Variants in ZNF609 observed in about 807,000 individuals in gnomAD.
ZNF609 encodes zinc finger protein 609.
ZNF609 carries 11 observed loss-of-function variants against 109.5 expected under a neutral mutation model. That is an observed-to-expected ratio of 0.10 (90% confidence interval 0.06 to 0.17). The LOEUF is 0.17. ZNF609 is among the 10% of genes least tolerant of loss of function. ZNF609 has a pLI of 1.00. For synonymous variants in ZNF609, 646 were observed against 662.0 expected (o/e 0.98, Z 0.37); for missense variants, 1,559 against 1,772.4 (o/e 0.88, Z 2.16).
chr15:64,604,490 T>A (rs1310626309), intron 2 of ZNF609, among the ~76,000 whole-genome samples: 1 of 152,234 alleles, frequency 6.6e-6, no homozygotes, highest in South Asian at 2.1e-4. Context: ...AGATTATAGA[T>A]GACTAGATGT....
chr15:64,616,514 CTTTTTTT>C (rs56145140), intron 2 of ZNF609, among the ~76,000 whole-genome samples: 1 of 66,918 alleles, frequency 1.5e-5, no homozygotes, highest in Non-Finnish European at 2.8e-5. Flanking sequence ...AAACTGATAT[CTTTTTTT>C]TTTTTTTTTT....
chr15:64,596,732 A>C (rs72742941), intron 2 of ZNF609, among the ~76,000 whole-genome samples: 9,303 of 152,232 alleles, frequency 0.061, 291 homozygotes, highest in South Asian at 0.087. Flanking sequence ...TGTGTATAGC[A>C]TAGGAGCCAT....
intron 2 of ZNF609, among the ~76,000 whole-genome samples, chr15:64,574,721 C>T (rs1190963232): frequency 1.3e-5 from 2 of 152,010 alleles, no homozygotes; most frequent in Non-Finnish European, 2.9e-5. Context: ...TTCTCTTTGC[C>T]CTGATGCCCC....
rs1567027709 is a variant in ZNF609 at position 64,607,855 on chromosome 15, CTTT to C, written c.748-14971_748-14969del. On this transcript the variant is annotated intron_variant, in intron 2 of 9. Coordinates refer to ENST00000326648, the MANE Select transcript of ZNF609 (RefSeq NM_015042.2). ...TCTTTCTTTCTTTCTTTCTTTCTTT[CTTT>C]CTTTCTTTCTTTCTTTCTTTCTTCT... Among the ~76,000 whole-genome samples, 4 of 16,416 alleles carry C rather than the reference CTTT, an allele frequency of 2.4e-4. 1 individual carries two copies. The highest frequency in any genetic ancestry group is 7.2e-4 in the Non-Finnish European group (3 of 4,148). The allele number at this position is 16,416 out of a possible 152,430, so 10.8% of individuals were successfully genotyped here.
chr15:64,678,522 G>T, intron 6 of ZNF609, 40 bp downstream of exon 6: 1 of 1,521,000 alleles, frequency 6.6e-7, no homozygotes, highest in Non-Finnish European at 8.8e-7. Context: ...TTCACTGGAA[G>T]GGGGAATGAA....
At chr15:64,537,823 G>A (rs1894180159) in intron 2 of ZNF609, among the ~76,000 whole-genome samples, 1 of 152,070 alleles carries the variant, frequency 6.6e-6, no homozygotes, top group South Asian at 2.1e-4. Flanking sequence ...AGGGCTGGGC[G>A]CGGTGGCTCT....
chr15:64,567,897 G>A (rs945066620), intron 2 of ZNF609, among the ~76,000 whole-genome samples: 2 of 151,912 alleles, frequency 1.3e-5, no homozygotes, highest in African/African-American at 4.8e-5. Flanking sequence ...TCCTGACATC[G>A]TGATCTGCCC....
At chr15:64,611,255 T>A (rs1172623022) in intron 2 of ZNF609, among the ~76,000 whole-genome samples, 1 of 152,166 alleles carries the variant, frequency 6.6e-6, no homozygotes, top group African/African-American at 2.4e-5. Context: ...TCAGAGGAAG[T>A]ACTTGGGTCT....
intron 2 of ZNF609, among the ~76,000 whole-genome samples, chr15:64,527,370 G>A (rs1893982469): frequency 2.0e-5 from 3 of 148,458 alleles, no homozygotes; most frequent in Admixed American, 6.8e-5. Context: ...GTGGGGACAT[G>A]TTACGGCCCT....
chr15:64,673,819 T>C, intron 4 of ZNF609, 97 bp from the exon 5 acceptor site: 3 of 1,312,276 alleles, frequency 2.3e-6, no homozygotes, highest in Non-Finnish European at 3.1e-6. Flanking sequence ...TTGAAAATGA[T>C]AGTCACCATC....
chr15:64,673,889 A>G (rs931509966), intron 4 of ZNF609, 27 bp from the exon 5 acceptor site: 2 of 1,589,524 alleles, frequency 1.3e-6, no homozygotes, highest in African/African-American at 2.7e-5. Context: ...TCTTAATAAT[A>G]TTCTGTTGTG....
intron 2 of ZNF609, among the ~76,000 whole-genome samples, chr15:64,592,196 G>A (rs998152805): frequency 6.6e-6 from 1 of 151,998 alleles, no homozygotes; most frequent in South Asian, 2.1e-4. Context: ...ATTTCTCTCA[G>A]CCTTGTTTAT....
intron 3 of ZNF609, among the ~76,000 whole-genome samples, chr15:64,663,800 ATCTC>A (rs977292107): frequency 2.6e-5 from 4 of 152,012 alleles, no homozygotes; most frequent in Admixed American, 1.3e-4. Context: ...CTAGAAAAAA[ATCTC>A]TCTCTCTCTT....
At chr15:64,602,047 A>G (rs1895505462) in intron 2 of ZNF609, among the ~76,000 whole-genome samples, 1 of 152,196 alleles carries the variant, frequency 6.6e-6, no homozygotes, top group Non-Finnish European at 1.5e-5. Flanking sequence ...TATGAGATTT[A>G]ATAAGATAAC....
chr15:64,596,848 C>T (rs1035233343), intron 2 of ZNF609, among the ~76,000 whole-genome samples: 3 of 152,172 alleles, frequency 2.0e-5, no homozygotes, highest in African/African-American at 4.8e-5. Context: ...AACCCTGCCC[C>T]AAGTACCTTA....
chr15:64,513,921 G>A (rs779726057), intron 2 of ZNF609, among the ~76,000 whole-genome samples: 2 of 151,942 alleles, frequency 1.3e-5, no homozygotes, highest in Non-Finnish European at 2.9e-5. Context: ...GGGAGGGCCT[G>A]TCTGTACAAA....
At chr15:64,609,076 CTTTCTTTCTTTCTTTCTTTCTT>C in intron 2 of ZNF609, among the ~76,000 whole-genome samples, 2 of 33,696 alleles carry the variant, frequency 5.9e-5, no homozygotes, top group African/African-American at 1.6e-4. Flanking sequence ...TTCTTTCTTT[CTTTCTTTCTTTCTTTCTTTCTT>C]TCTTTCTTTC....
At chr15:64,571,592 ATGGGTAAAC>A (rs1481728111) in intron 2 of ZNF609, among the ~76,000 whole-genome samples, 4 of 152,170 alleles carry the variant, frequency 2.6e-5, no homozygotes. Context: ...CATTTTACAT[ATGGGTAAAC>A]TGGATGCCAG....
chr15:64,578,485 G>T (rs1027932383), intron 2 of ZNF609, among the ~76,000 whole-genome samples: 9 of 152,028 alleles, frequency 5.9e-5, no homozygotes, highest in African/African-American at 2.2e-4. Context: ...ACAAGGCCAG[G>T]AGTTCGAGAT....
Sources: gnomAD v4.1 joint callset for allele counts (sites outside exome capture counted in the v4.1 genomes callset) on GRCh38, gnomAD v4.1.1 for gene constraint, MANE v1.5 for transcripts, NCBI Gene and HGNC (gene_info 2026-07-23, HGNC 2026-07-21) for gene names.